Variants in DAB1 observed in about 807,000 individuals in gnomAD.
DAB1 encodes disabled homolog 1.
A neutral mutation model predicts 64.6 loss-of-function variants in DAB1; 15 were observed. The ratio of observed to expected loss-of-function variants is 0.23; its 90% CI spans 0.16 to 0.36. The LOEUF (loss-of-function observed/expected upper bound fraction) is 0.36, where lower values mean the gene tolerates loss of function less well. Ranked by LOEUF, DAB1 falls within the 10% of genes least tolerant of loss-of-function variation. DAB1 has a pLI of 1.00. For missense variants in DAB1, 596 were observed against 706.7 expected (o/e 0.84, Z 1.78); for synonymous variants, 235 against 251.9 (o/e 0.93, Z 0.64).
At chr1:58,518,177 A>T (rs949673016) in intron 2 of DAB1, among the ~76,000 whole-genome samples, 5 of 114,034 alleles carry the variant, frequency 4.4e-5, no homozygotes, top group African/African-American at 1.6e-4. Flanking sequence ...CAAAAGTGAA[A>T]TTCTGTCAGA....
chr1:58,440,368 G>A (rs1358082067), intron 3 of DAB1, among the ~76,000 whole-genome samples: 1 of 152,180 alleles, frequency 6.6e-6, no homozygotes, highest in Admixed American at 6.5e-5. Context: ...GAGCAGGAGG[G>A]CCATATTAAT....
chr1:58,129,084 T>C (rs1442032064), intron 5 of DAB1, among the ~76,000 whole-genome samples: 7 of 147,354 alleles, frequency 4.8e-5, no homozygotes, highest in Non-Finnish European at 1.1e-4. Context: ...ATCCATCTGG[T>C]CCTGGACTCT....
chr1:57,259,991 C>T (rs1033911634), intron 2 of DAB1, among the ~76,000 whole-genome samples: 12 of 152,112 alleles, frequency 7.9e-5, no homozygotes, highest in African/African-American at 2.7e-4. Flanking sequence ...ATTGTTAATT[C>T]GCAACTGAAA....
chr1:57,521,695 C>T (rs1558457716), intron 7 of DAB1, among the ~76,000 whole-genome samples: 1 of 152,142 alleles, frequency 6.6e-6, no homozygotes. Context: ...AGAAAGTGAA[C>T]AGGGGAGGAG....
chr1:58,059,228 A>G (rs1648335461), intron 5 of DAB1, among the ~76,000 whole-genome samples: 1 of 152,184 alleles, frequency 6.6e-6, no homozygotes, highest in African/African-American at 2.4e-5. Context: ...GGTGGCCATG[A>G]GCATGGGCTC....
intron 3 of DAB1, among the ~76,000 whole-genome samples, chr1:58,454,311 G>A (rs1024043149): frequency 6.6e-6 from 1 of 152,096 alleles, no homozygotes; most frequent in African/African-American, 2.4e-5. Context: ...AAGACTACAC[G>A]TCCAGCTGCA....
intron 6 of DAB1, among the ~76,000 whole-genome samples, chr1:57,799,879 G>A (rs1365990319): frequency 1.3e-5 from 2 of 152,048 alleles, no homozygotes; most frequent in African/African-American, 4.8e-5. Flanking sequence ...TTGCTTCAAG[G>A]GCAGAAATGA....
chr1:57,649,447 C>T (rs1387091418), intron 7 of DAB1: 1 of 152,168 alleles, frequency 6.6e-6, no homozygotes, highest in African/African-American at 2.4e-5. Flanking sequence ...CCAAAGGCTC[C>T]ATGAACCCTC....
At chr1:57,924,423 T>C (rs1338135900) in intron 5 of DAB1, among the ~76,000 whole-genome samples, 2 of 152,146 alleles carry the variant, frequency 1.3e-5, no homozygotes, top group Admixed American at 6.5e-5. Context: ...CTGAATCTCC[T>C]AGCTTCTCAC....
At chr1:57,947,665 A>T (rs962861995) in intron 5 of DAB1, among the ~76,000 whole-genome samples, 1 of 128,734 alleles carries the variant, frequency 7.8e-6, no homozygotes, top group Non-Finnish European at 1.8e-5. Flanking sequence ...ATAACAGGAA[A>T]TGCAAAGATC....
chr1:57,134,050 C>A (rs1378421952), intron 4 of DAB1, among the ~76,000 whole-genome samples: 3 of 152,176 alleles, frequency 2.0e-5, no homozygotes, highest in African/African-American at 7.2e-5. Context: ...CTTTGTCCAG[C>A]ACTTTATCCT....
intron 5 of DAB1, among the ~76,000 whole-genome samples, chr1:58,131,051 G>A (rs1218654570): frequency 0.027 from 2,382 of 89,574 alleles, no homozygotes; most frequent in Non-Finnish European, 0.035. Context: ...CCTGCAGAGT[G>A]TTTTCCAACT....
At chr1:57,595,101 C>CATTAAGTAAATACTGAAAAACTGTATT (rs1645491221) in intron 7 of DAB1, among the ~76,000 whole-genome samples, 1 of 152,034 alleles carries the variant, frequency 6.6e-6, no homozygotes, top group Non-Finnish European at 1.5e-5. Flanking sequence ...TACCCACTTC[C>CATTAAGTAAATACTGAAAAACTGTATT]ATTAAGTAAA....
intron 4 of DAB1, among the ~76,000 whole-genome samples, chr1:58,277,929 A>G (rs1056964884): frequency 6.6e-6 from 1 of 152,158 alleles, no homozygotes; most frequent in Non-Finnish European, 1.5e-5. Flanking sequence ...CTGGATTGTA[A>G]TCTGCTTCAC....
intron 5 of DAB1, among the ~76,000 whole-genome samples, chr1:57,965,868 T>A (rs1188032491): frequency 6.6e-6 from 1 of 152,128 alleles, no homozygotes; most frequent in Non-Finnish European, 1.5e-5. Context: ...AAGACTTCCA[T>A]GTACTTGTTA....
chr1:57,820,834 G>C (rs1161072192), intron 6 of DAB1, among the ~76,000 whole-genome samples: 2 of 152,128 alleles, frequency 1.3e-5, no homozygotes, highest in African/African-American at 2.4e-5. Flanking sequence ...GTAATATGAA[G>C]AAGCATCCAA....
intron 5 of DAB1, among the ~76,000 whole-genome samples, chr1:58,126,248 A>G (rs1309667647): frequency 6.6e-6 from 1 of 152,130 alleles, no homozygotes; most frequent in Non-Finnish European, 1.5e-5. Context: ...TTGGGGTAAC[A>G]GGAAACGAAG....
At chr1:57,552,378 C>G (rs1402694479) in intron 7 of DAB1, among the ~76,000 whole-genome samples, 1 of 152,112 alleles carries the variant, frequency 6.6e-6, no homozygotes, top group Non-Finnish European at 1.5e-5. Flanking sequence ...AACTCACTGT[C>G]CAGGACAGCC....
chr1:58,506,325 T>G (rs1294066902), intron 2 of DAB1: 1 of 609,802 alleles, frequency 1.6e-6, no homozygotes. Context: ...TTAGGGTACA[T>G]GTGCACAACG....
Sources: allele counts gnomAD v4.1 joint callset (sites outside exome capture counted in the v4.1 genomes callset), GRCh38; gene constraint gnomAD v4.1.1; transcripts MANE v1.5; gene names NCBI Gene and HGNC (gene_info 2026-07-23, HGNC 2026-07-21).